Variants in MELK observed in about 807,000 individuals in gnomAD.
The protein encoded by MELK is maternal embryonic leucine zipper kinase.
A neutral mutation model predicts 85.0 loss-of-function variants in MELK; 81 were observed. The ratio of observed to expected loss-of-function variants is 0.95; its 90% CI spans 0.80 to 1.15. The LOEUF (loss-of-function observed/expected upper bound fraction) is 1.15. MELK is among the 50% of genes most tolerant of loss of function. The pLI, the probability that MELK is intolerant of heterozygous loss-of-function variation, is 0.00. For synonymous variants in MELK, 252 were observed against 265.0 expected, an observed-to-expected ratio of 0.95 and a Z score of 0.48; for missense variants, 754 against 777.5, an observed-to-expected ratio of 0.97 and a Z score of 0.36.
At chr9:36,608,629 T>A (rs1825794318) in intron 8 of MELK, among the ~76,000 whole-genome samples, 2 of 152,046 alleles carry the variant, frequency 1.3e-5, no homozygotes, top group Non-Finnish European at 2.9e-5. Flanking sequence ...TTGCCCAGGC[T>A]AGAGTGCAAT....
chr9:36,671,407 A>T (rs1832876481), intron 16 of MELK, among the ~76,000 whole-genome samples: 1 of 152,192 alleles, frequency 6.6e-6, no homozygotes, highest in African/African-American at 2.4e-5. Flanking sequence ...AGGTGGAGGG[A>T]TTAGTCACAG....
At chr9:36,586,248 T>G (rs1174936783) in intron 3 of MELK, among the ~76,000 whole-genome samples, 1 of 149,808 alleles carries the variant, frequency 6.7e-6, no homozygotes, top group Admixed American at 6.7e-5. Context: ...GGGGCTGAGG[T>G]GGGAAGATCA....
intron 11 of MELK, among the ~76,000 whole-genome samples, chr9:36,647,555 C>T (rs1328331812): frequency 4.0e-5 from 6 of 151,022 alleles, no homozygotes; most frequent in Non-Finnish European, 8.8e-5. Context: ...GCGGCAGAAT[C>T]TCTGCTCCCT....
intron 13 of MELK, among the ~76,000 whole-genome samples, chr9:36,661,611 CA>C (rs1381176138): frequency 6.6e-6 from 1 of 152,134 alleles, no homozygotes; most frequent in African/African-American, 2.4e-5. Context: ...TGAAACCTTT[CA>C]TACCTTATAT....
rs184904903 is a variant in MELK, at chr9:36,649,774, A to G, written c.922-1972A>G. Among the ~76,000 whole-genome samples the G allele has an allele frequency of 3.5e-3, 532 of 152,084 alleles. 2 individuals are homozygous for G. The highest frequency in any genetic ancestry group is 0.01 in the Middle Eastern group (3 of 294). ...ATAGAGCGAGACTCTATCTCAAAAA[A>G]AGGGAAAATAATGCAAGAAGAAATA... On this transcript the variant is annotated intron_variant, in intron 11 of 17. Transcript: ENST00000298048.
rs374075415 is a variant in MELK, at chr9:36,607,586, G to A, written c.579G>A (p.Trp193Ter). The change falls in exon 8 of 18, where the codon TGG (tryptophan) becomes TGA (stop). Residue 193 changes from tryptophan to a stop codon, truncating the protein, a stop_gained. Transcript: ENST00000298048. LOFTEE classifies it high-confidence loss of function. ...KSYLGSEADV[W>*]SMGILLYVLM... ...CCTCTTTCTCTCAGGCAGATGTTTG[G>A]AGCATGGGCATACTGTTATATGTTC... The A allele has an allele frequency of 1.2e-6, 2 of 1,611,078 alleles. No homozygotes were observed. Among genetic ancestry groups the A allele is most frequent in the East Asian group, 4.5e-5 (2 of 44,846 alleles).
chr9:36,651,057 T>C (rs1198573352), intron 11 of MELK, among the ~76,000 whole-genome samples: 1 of 152,204 alleles, frequency 6.6e-6, no homozygotes, highest in East Asian at 1.9e-4. Context: ...CATGACCACA[T>C]TGGTTGTTAA....
intron 12 of MELK, 50 bp downstream of exon 12, chr9:36,651,927 A>T: frequency 6.4e-7 from 1 of 1,567,514 alleles, no homozygotes; most frequent in Non-Finnish European, 8.7e-7. Context: ...CCTGTTCCTG[A>T]GTGTGTATAC....
chr9:36,608,275 C>T (rs796851300), intron 8 of MELK, among the ~76,000 whole-genome samples: 85 of 67,144 alleles, frequency 1.3e-3, no homozygotes, highest in African/African-American at 6.8e-3. Flanking sequence ...AAGACTCTGT[C>T]TCAAAAAAAA....
At chr9:36,663,646 C>T (rs1346223053) in intron 13 of MELK, among the ~76,000 whole-genome samples, 2 of 152,176 alleles carry the variant, frequency 1.3e-5, no homozygotes, top group Admixed American at 1.3e-4. Context: ...CATTCTGTGT[C>T]TGGCTTGTTT....
intron 12 of MELK, among the ~76,000 whole-genome samples, chr9:36,654,507 C>T (rs779965979): frequency 2.0e-5 from 3 of 151,638 alleles, no homozygotes; most frequent in Non-Finnish European, 4.4e-5. Context: ...AGGTGTGTGC[C>T]ACCACACCTA....
chr9:36,662,684 T>C (rs1003918197), intron 13 of MELK, among the ~76,000 whole-genome samples: 1 of 152,224 alleles, frequency 6.6e-6, no homozygotes, highest in Non-Finnish European at 1.5e-5. Context: ...TATTTTGAAA[T>C]ATTTATGGAT....
chr9:36,675,453 T>C (rs939092950), intron 17 of MELK, among the ~76,000 whole-genome samples: 1 of 152,236 alleles, frequency 6.6e-6, no homozygotes, highest in Non-Finnish European at 1.5e-5. Flanking sequence ...TTGTCCCACT[T>C]TATTTCAAAA....
intron 11 of MELK, among the ~76,000 whole-genome samples, chr9:36,650,714 A>C (rs1177097466): frequency 6.6e-6 from 1 of 152,224 alleles, no homozygotes; most frequent in African/African-American, 2.4e-5. Flanking sequence ...TAAACCAAGA[A>C]AGAAGAATAC....
At chr9:36,656,858 C>A (rs1459658913) in intron 12 of MELK, among the ~76,000 whole-genome samples, 1 of 152,174 alleles carries the variant, frequency 6.6e-6, no homozygotes. Flanking sequence ...CTTAAGTGAT[C>A]CACCTGTGTC....
chr9:36,617,482 G>A (rs1041555714), intron 8 of MELK, among the ~76,000 whole-genome samples: 7 of 151,830 alleles, frequency 4.6e-5, no homozygotes, highest in African/African-American at 1.5e-4. Context: ...ACAGGCGTGC[G>A]CTACCACACT....
At chr9:36,584,797 A>T (rs1037244372) in intron 3 of MELK, among the ~76,000 whole-genome samples, 6 of 146,946 alleles carry the variant, frequency 4.1e-5, no homozygotes, top group Admixed American at 1.4e-4. Flanking sequence ...AGCTCACTGC[A>T]GCCTGTACCT....
intron 8 of MELK, among the ~76,000 whole-genome samples, chr9:36,612,181 C>T (rs989036850): frequency 9.3e-5 from 14 of 149,846 alleles, no homozygotes; most frequent in Non-Finnish European, 1.5e-4. Flanking sequence ...TTGCAACCTC[C>T]GCCTCCTCAG....
intron 5 of MELK, among the ~76,000 whole-genome samples, chr9:36,595,812 A>T (rs1824161775): frequency 1.3e-5 from 2 of 151,410 alleles, no homozygotes; most frequent in South Asian, 4.2e-4. Context: ...GTATGTATTT[A>T]TTTATTTTTA....
Sources: allele counts gnomAD v4.1 joint callset (sites outside exome capture counted in the v4.1 genomes callset), GRCh38; gene constraint gnomAD v4.1.1; transcripts MANE v1.5; gene names NCBI Gene and HGNC (gene_info 2026-07-23, HGNC 2026-07-21).